The following PAK5 variants were observed in gnomAD, a reference collection of about 807,000 sequenced individuals.
PAK5 encodes p21 (RAC1) activated kinase 5.
A neutral mutation model predicts 65.9 loss-of-function variants in PAK5; 16 were observed. The observed-to-expected ratio is 0.24, with a 90% confidence interval of 0.16 to 0.37. PAK5 has a LOEUF of 0.37. PAK5 is among the 10% of genes least tolerant of loss of function. The pLI is 1.00. For missense variants in PAK5, 785 were observed against 903.9 expected (o/e 0.87, Z 1.69); for synonymous variants, 371 against 354.9 (o/e 1.05, Z -0.51).
intron 2 of PAK5, among the ~76,000 whole-genome samples, chr20:9,705,584 G>A (rs943300755): frequency 6.6e-6 from 1 of 152,030 alleles, no homozygotes; most frequent in Non-Finnish European, 1.5e-5. Flanking sequence ...AGACTGTCCT[G>A]GTTTTAGCAC....
At chr20:9,546,333 C>T (rs979650108) in intron 7 of PAK5, among the ~76,000 whole-genome samples, 3 of 152,266 alleles carry the variant, frequency 2.0e-5, no homozygotes, top group Admixed American at 2.0e-4. Context: ...AGCAGTACAC[C>T]TCACTCCTAA....
chr20:9,744,175 T>G (rs2048481364), intron 1 of PAK5, among the ~76,000 whole-genome samples: 1 of 152,136 alleles, frequency 6.6e-6, no homozygotes, highest in Non-Finnish European at 1.5e-5. Context: ...GATAATAACT[T>G]CAGATTTCTG....
chr20:9,664,266 C>T (rs559058200), intron 2 of PAK5, among the ~76,000 whole-genome samples: 1 of 151,872 alleles, frequency 6.6e-6, no homozygotes, highest in South Asian at 2.1e-4. Context: ...CTGAAAGGAA[C>T]TCAGCATTTC....
intron 1 of PAK5, among the ~76,000 whole-genome samples, chr20:9,738,546 G>A (rs2048416669): frequency 1.3e-5 from 2 of 152,058 alleles, no homozygotes; most frequent in Admixed American, 6.6e-5. Flanking sequence ...ATTATGCTGA[G>A]TTAAGGAAGC....
intron 1 of PAK5, among the ~76,000 whole-genome samples, chr20:9,774,766 A>AC (rs1031196125): frequency 9.9e-5 from 15 of 151,628 alleles, no homozygotes; most frequent in African/African-American, 3.6e-4. Flanking sequence ...ACATGGTGAA[A>AC]CCCCGTCTCT....
chr20:9,805,297 T>G (rs1467645755), intron 1 of PAK5, among the ~76,000 whole-genome samples: 1 of 152,178 alleles, frequency 6.6e-6, no homozygotes, highest in Non-Finnish European at 1.5e-5. Flanking sequence ...GTACAGTCAC[T>G]TTAGAAAACA....
intron 4 of PAK5, among the ~76,000 whole-genome samples, chr20:9,570,391 A>G (rs2045757862): frequency 6.6e-6 from 1 of 152,226 alleles, no homozygotes; most frequent in African/African-American, 2.4e-5. Flanking sequence ...TGAACAATGT[A>G]TAGTTAAAAT....
chr20:9,794,774 T>C (rs1164396898), intron 1 of PAK5, among the ~76,000 whole-genome samples: 1 of 152,144 alleles, frequency 6.6e-6, no homozygotes, highest in Non-Finnish European at 1.5e-5. Flanking sequence ...TTATCTTTTT[T>C]TTAAGGCAAC....
At chr20:9,725,421 T>C (rs545927333) in intron 1 of PAK5, among the ~76,000 whole-genome samples, 3 of 152,200 alleles carry the variant, frequency 2.0e-5, no homozygotes, top group East Asian at 3.9e-4. Flanking sequence ...TTATTTACGA[T>C]GTAATGGAAG....
chr20:9,734,152 A>G (rs1377386984), intron 1 of PAK5, among the ~76,000 whole-genome samples: 1 of 152,220 alleles, frequency 6.6e-6, no homozygotes, highest in Non-Finnish European at 1.5e-5. Flanking sequence ...TTGATCTCAG[A>G]TGTGCTAAAA....
intron 1 of PAK5, among the ~76,000 whole-genome samples, chr20:9,776,451 A>G (rs1057051729): frequency 6.6e-6 from 1 of 152,260 alleles, no homozygotes; most frequent in Non-Finnish European, 1.5e-5. Flanking sequence ...AGTTATATCC[A>G]CAAATTATAT....
intron 2 of PAK5, among the ~76,000 whole-genome samples, chr20:9,690,528 A>C: frequency 6.6e-6 from 1 of 151,956 alleles, no homozygotes; most frequent in East Asian, 1.9e-4. Context: ...AGTGAATGAG[A>C]AAGTGAGTAC....
chr20:9,715,384 A>G (rs1380027174), intron 1 of PAK5, among the ~76,000 whole-genome samples: 1 of 152,254 alleles, frequency 6.6e-6, no homozygotes, highest in Non-Finnish European at 1.5e-5. Flanking sequence ...ATCATTAAAA[A>G]GTCAGGAAAC....
At chr20:9,751,848 T>A (rs1372980275) in intron 1 of PAK5, among the ~76,000 whole-genome samples, 1 of 152,182 alleles carries the variant, frequency 6.6e-6, no homozygotes, top group East Asian at 1.9e-4. Context: ...GATTCCTGTT[T>A]TGTTTTTAGT....
intron 3 of PAK5, among the ~76,000 whole-genome samples, chr20:9,616,463 C>T (rs1471877825): frequency 6.6e-6 from 1 of 152,178 alleles, no homozygotes; most frequent in African/African-American, 2.4e-5. Context: ...AGGGAATCAG[C>T]GTTCTCTTCG....
At chr20:9,665,952 G>T (rs2047411378) in intron 2 of PAK5, among the ~76,000 whole-genome samples, 1 of 152,044 alleles carries the variant, frequency 6.6e-6, no homozygotes, top group African/African-American at 2.4e-5. Flanking sequence ...TTATGTTGTG[G>T]ACTCCATGGC....
At chr20:9,690,011 T>C (rs1275707886) in intron 2 of PAK5, among the ~76,000 whole-genome samples, 1 of 152,158 alleles carries the variant, frequency 6.6e-6, no homozygotes, top group East Asian at 1.9e-4. Context: ...TCTAGATATT[T>C]GAAAAAAACA....
At chr20:9,654,849 C>T (rs572988398) in intron 2 of PAK5, among the ~76,000 whole-genome samples, 4 of 152,272 alleles carry the variant, frequency 2.6e-5, no homozygotes, top group Admixed American at 1.3e-4. Flanking sequence ...TCATCTTGAC[C>T]CTCACCCAAA....
Position 9,562,962 on chromosome 20 carries a change from G to A in PAK5, c.1545C>T (p.Val515=), listed in dbSNP as rs759655000. ...NVVDMYSSYL[V]GDELWVVMEF... ...CCATGACCACCCAGAGCTCATCGCCGACAAGGTAGCTGCTGTACATGTCAA... is the reference window on the plus strand; with the variant it reads ...CCATGACCACCCAGAGCTCATCGCCAACAAGGTAGCTGCTGTACATGTCAA... The change falls in exon 6 of 10, where the codon GTC becomes GTT. Residue 515 remains valine, a synonymous_variant. Transcript: ENST00000353224. 9.9e-6 allele frequency: 16 copies of A among 1,613,148 alleles called. No individual in the cohort carries two copies. The highest frequency in any genetic ancestry group is 7.7e-5 in the South Asian group (7 of 91,042).
Sources: gnomAD v4.1 joint callset for allele counts (sites outside exome capture counted in the v4.1 genomes callset) on GRCh38, gnomAD v4.1.1 for gene constraint, MANE v1.5 for transcripts, NCBI Gene and HGNC (gene_info 2026-07-23, HGNC 2026-07-21) for gene names.